The following CFAP46 variants were observed in gnomAD, a reference collection of about 807,000 sequenced individuals.
The protein encoded by CFAP46 is cilia and flagella associated protein 46.
CFAP46 carries 245 observed loss-of-function variants against 325.7 expected under a neutral mutation model. The observed-to-expected ratio is 0.75, with a 90% CI of 0.68 to 0.84. The LOEUF is 0.84. CFAP46 is among the 40% of genes least tolerant of loss of function. The pLI, the probability that CFAP46 is intolerant of heterozygous loss-of-function variation, is 0.00. For synonymous variants in CFAP46, 1,523 were observed against 1,495.9 expected, an observed-to-expected ratio of 1.02 and a Z score of -0.42; for missense variants, 3,346 against 3,543.0, an observed-to-expected ratio of 0.94 and a Z score of 1.41.
At chr10:132,851,554 GCC>G (rs1848545828) in intron 39 of CFAP46, among the ~76,000 whole-genome samples, 1 of 152,180 alleles carries the variant, frequency 6.6e-6, no homozygotes, top group African/African-American at 2.4e-5. Context: ...TCACCTAGCT[GCC>G]TGCCGGCACC....
At chr10:132,899,143 C>A in intron 23 of CFAP46, 22 bp from the exon 24 acceptor site, 1 of 1,539,694 alleles carries the variant, frequency 6.5e-7, no homozygotes, top group Non-Finnish European at 8.8e-7. Flanking sequence ...CAGGTCATGA[C>A]GCGGTGGCTC....
At chr10:132,815,037 AG>A (rs1847667234) in intron 50 of CFAP46, 123 bp from the exon 51 acceptor site, 3 of 892,756 alleles carry the variant, frequency 3.4e-6, no homozygotes, top group Non-Finnish European at 5.3e-6. Context: ...ACAAGTTGTG[AG>A]AACAAGCGGT....
rs954108642 is a variant in CFAP46, at chr10:132,872,884, A to G, written c.4363-60T>C. ...GGAGCGGGTGTAGACCACAAGCATA[A>G]GGGTCTTTCCTCAGAGAACTCCCTC... On this transcript the variant is annotated intron_variant, in intron 31 of 57. Coordinates refer to ENST00000368586, the MANE Select transcript of CFAP46 (RefSeq NM_001200049.3). 4.6e-6 allele frequency: 7 copies of G among 1,537,198 alleles called. No homozygotes were observed. In the African/African-American group the frequency reaches 5.5e-5, roughly 12 times the overall value.
chr10:132,935,531 C>T (rs1338000020), intron 7 of CFAP46, among the ~76,000 whole-genome samples: 41 of 140,324 alleles, frequency 2.9e-4, no homozygotes, highest in South Asian at 7.2e-4. Flanking sequence ...ACTGTGATCT[C>T]CTCACTCCCC....
intron 44 of CFAP46, among the ~76,000 whole-genome samples, chr10:132,839,106 CAT>C (rs1187274653): frequency 2.0e-5 from 3 of 152,250 alleles, no homozygotes; most frequent in African/African-American, 4.8e-5. Context: ...GTGGGACACA[CAT>C]GTGTCGGCAA....
intron 25 of CFAP46, among the ~76,000 whole-genome samples, chr10:132,891,974 C>T (rs1849260274): frequency 6.6e-6 from 1 of 152,154 alleles, no homozygotes; most frequent in South Asian, 2.1e-4. Context: ...AGCTATAAAC[C>T]AACGACCTTG....
Position 132,834,128 on chromosome 10 carries a change from A to C in CFAP46, c.6867-5T>G, listed in dbSNP as rs770693165. 6.2e-7 allele frequency: 1 copy of C among 1,613,830 alleles called. No homozygotes were observed. The highest frequency in any genetic ancestry group is 1.1e-5 in the South Asian group (1 of 91,060). ...ACAACCGCAGGTGTCTGCACTCTGA[A>C]AGTCAGGTTATATATTCGGGTTTAA... On this transcript the variant is annotated splice_region_variant and splice_polypyrimidine_tract_variant and intron_variant, in intron 48 of 57. Transcript: ENST00000368586.
chr10:132,933,757 G>A (rs1164534926), intron 8 of CFAP46, among the ~76,000 whole-genome samples: 1 of 152,224 alleles, frequency 6.6e-6, no homozygotes, highest in Admixed American at 6.5e-5. Context: ...GGCGCCCCTC[G>A]CTAGCACTGA....
At chr10:132,909,282 G>A (rs1365744948) in intron 20 of CFAP46, 38 bp from the exon 21 acceptor site, 15 of 1,419,566 alleles carry the variant, frequency 1.1e-5, no homozygotes, top group Middle Eastern at 1.7e-4. Context: ...CAGCCCAAGC[G>A]TGCGGGGGGA....
intron 11 of CFAP46, 85 bp downstream of exon 11, chr10:132,924,611 G>A: frequency 7.7e-7 from 1 of 1,299,760 alleles, no homozygotes. Context: ...GTCATGGCAA[G>A]GGGGCTTGGG....
intron 35 of CFAP46, among the ~76,000 whole-genome samples, chr10:132,864,792 T>C (rs1848789073): frequency 8.9e-6 from 1 of 112,146 alleles, no homozygotes; most frequent in Non-Finnish European, 1.7e-5. Context: ...TCCCCCTGCT[T>C]GAGACCTGCA....
chr10:132,838,241 A>G (rs1016365546), intron 44 of CFAP46, among the ~76,000 whole-genome samples: 7 of 152,258 alleles, frequency 4.6e-5, no homozygotes, highest in African/African-American at 1.4e-4. Context: ...GGGCTCCTGG[A>G]GGCTTGGGCC....
chr10:132,925,461 G>A lies in CFAP46; in HGVS notation c.1066-575C>T, dbSNP rs182646158. On this transcript the variant is annotated intron_variant, in intron 10 of 57. Coordinates refer to ENST00000368586, the MANE Select transcript of CFAP46 (RefSeq NM_001200049.3). ...ATCCTGCCACTTGGCTGCTGGGTCTGAAAGCCTCGTACGCCGGTGCCGGCC... is the reference window on the plus strand; with the variant it reads ...ATCCTGCCACTTGGCTGCTGGGTCTAAAAGCCTCGTACGCCGGTGCCGGCC... Among the ~76,000 whole-genome samples the A allele has an allele frequency of 5.3e-3, 815 of 152,380 alleles. 7 individuals carry two copies. The highest frequency in any genetic ancestry group is 0.018 in the African/African-American group (769 of 41,600).
chr10:132,810,646 C>T, intron 56 of CFAP46, 157 bp from the exon 57 acceptor site: 2 of 767,510 alleles, frequency 2.6e-6, no homozygotes, highest in Non-Finnish European at 4.6e-6. Context: ...ACTGGTTTGC[C>T]AGGATGCTCT....
rs758646345 is a variant in CFAP46, at chr10:132,866,009, G to A, written c.4890+16C>T. 3 of 1,490,470 alleles carry A rather than the reference G, an allele frequency of 2.0e-6. No individual in the cohort carries two copies. Among genetic ancestry groups the A allele is most frequent in the Non-Finnish European group, 2.7e-6 (3 of 1,115,642 alleles). 92.3% of individuals were successfully genotyped at this position (1,490,470 alleles called of 1,614,324 possible). On this transcript the variant is annotated intron_variant, in intron 35 of 57. Coordinates refer to ENST00000368586, the MANE Select transcript of CFAP46 (RefSeq NM_001200049.3). ...GAGCGGCTGTGGATGGTGATGGGCTGGGAGGGGCTCCTCACCTGGAAAGCC... is the reference window on the plus strand; with the variant it reads ...GAGCGGCTGTGGATGGTGATGGGCTAGGAGGGGCTCCTCACCTGGAAAGCC...
At chr10:132,906,279 A>G (rs561322102) in intron 22 of CFAP46, among the ~76,000 whole-genome samples, 10 of 152,336 alleles carry the variant, frequency 6.6e-5, no homozygotes, top group African/African-American at 2.2e-4. Flanking sequence ...GAGCACTCGC[A>G]GTCTCACCCC....
In CFAP46 at chr10:132,930,844, T is replaced by C. The variant is rs12411931; in HGVS notation, c.867-1040A>G. ...AGAGCCTGGGCCTTCCCCACACTCC[T>C]CACACAGAGCCTGGGCCTTCCCCAC... On this transcript the variant is annotated intron_variant, in intron 8 of 57. Transcript: ENST00000368586. 1.0e-3 allele frequency among the ~76,000 whole-genome samples: 35 copies of C among 33,746 alleles called. 1 individual carries two copies. Among genetic ancestry groups the C allele is most frequent in the Non-Finnish European group, 1.2e-3 (24 of 19,994 alleles). The allele number at this position is 33,746 out of a possible 152,430, so 22.1% of individuals were successfully genotyped here.
intron 26 of CFAP46, 91 bp from the exon 27 acceptor site, chr10:132,885,377 C>T: frequency 2.3e-6 from 3 of 1,298,962 alleles, no homozygotes; most frequent in Non-Finnish European, 3.1e-6. Flanking sequence ...TCCTCCACCT[C>T]CAGCTTAAAA....
chr10:132,846,890 C>T, intron 43 of CFAP46, 42 bp downstream of exon 43: 2 of 1,572,692 alleles, frequency 1.3e-6, no homozygotes, highest in Non-Finnish European at 1.7e-6. Context: ...CCTCCCTCCT[C>T]CATGAAGGGC....
Sources: allele counts gnomAD v4.1 joint callset (sites outside exome capture counted in the v4.1 genomes callset), GRCh38; gene constraint gnomAD v4.1.1; transcripts MANE v1.5; gene names NCBI Gene and HGNC (gene_info 2026-07-23, HGNC 2026-07-21).